The following NRROS variants were observed in gnomAD, a reference collection of about 807,000 sequenced individuals.
NRROS encodes the protein transforming growth factor beta activator LRRC33.
NRROS carries 6 observed loss-of-function variants against 12.0 expected under a neutral mutation model. That is an observed-to-expected ratio of 0.50 (90% CI 0.27 to 0.98). The LOEUF is 0.98. NRROS is among the 50% of genes least tolerant of loss of function. The pLI, the probability that NRROS is intolerant of heterozygous loss-of-function variation, is 0.11. For missense variants in NRROS, 857 were observed against 888.2 expected (o/e 0.96, Z 0.45); for synonymous variants, 462 against 410.2 (o/e 1.13, Z -1.53).
chr3:196,660,544 G>A lies in NRROS; in HGVS notation c.901G>A (p.Ala301Thr). The change falls in exon 3 of 3, where the codon GCC becomes ACC. Residue 301 changes from alanine (A) to threonine (T), a missense_variant. Transcript: ENST00000328557. The surrounding 1 kb of genome is among the most constrained non-coding windows in gnomAD (Gnocchi z 7.7). ...YNTSSPREMV[A>T]QFLLVDGNVT... ...CACCTCGTCGCCGAGGGAGATGGTGGCCCAGTTCCTCCTCGTGGACGGCAA... is the reference window on the plus strand; with the variant it reads ...CACCTCGTCGCCGAGGGAGATGGTGACCCAGTTCCTCCTCGTGGACGGCAA... 6.2e-7 allele frequency: 1 copy of A among 1,614,146 alleles called. No homozygotes were observed. Among genetic ancestry groups the A allele is most frequent in the African/African-American group, 1.3e-5 (1 of 75,038 alleles).
At chr3:196,644,014 C>T (rs898723114) in intron 1 of NRROS, among the ~76,000 whole-genome samples, 2 of 152,348 alleles carry the variant, frequency 1.3e-5, no homozygotes, top group African/African-American at 4.8e-5. Context: ...TGTCACCAGC[C>T]AGCCTGACAC....
intron 1 of NRROS, among the ~76,000 whole-genome samples, chr3:196,645,110 T>C (rs1258011711): frequency 6.6e-6 from 1 of 152,176 alleles, no homozygotes; most frequent in Non-Finnish European, 1.5e-5. Flanking sequence ...ATTAGAAAAC[T>C]TCCATAGGAA....
intron 1 of NRROS, among the ~76,000 whole-genome samples, chr3:196,645,367 A>T (rs1737288098): frequency 6.6e-6 from 1 of 152,218 alleles, no homozygotes; most frequent in Non-Finnish European, 1.5e-5. Context: ...GAGCTGATGC[A>T]GAAGTCACAG....
chr3:196,657,952 T>G (rs1305183116), intron 2 of NRROS, among the ~76,000 whole-genome samples: 2 of 152,104 alleles, frequency 1.3e-5, no homozygotes, highest in African/African-American at 2.4e-5. Flanking sequence ...ACAGTCACAC[T>G]TGATCCTGAA....
At chr3:196,643,279 C>T (rs1483881985) in intron 1 of NRROS, among the ~76,000 whole-genome samples, 1 of 152,102 alleles carries the variant, frequency 6.6e-6, no homozygotes, top group Non-Finnish European at 1.5e-5. Flanking sequence ...GACCCCAAGC[C>T]AATGTGTCTT....
chr3:196,653,512 G>C (rs1230436571), intron 1 of NRROS, among the ~76,000 whole-genome samples: 1 of 152,232 alleles, frequency 6.6e-6, no homozygotes, highest in African/African-American at 2.4e-5. Context: ...TCAAGGAATG[G>C]GCAGATGGAA....
rs1737647538 is a variant in NRROS at position 196,660,544 on chromosome 3, G to T, written c.901G>T (p.Ala301Ser). Residue 301 changes from alanine (A) to serine (S), a missense_variant, in exon 3 of 3, where the codon GCC (alanine) becomes TCC (serine). Transcript: ENST00000328557. The surrounding 1 kb of genome is among the most constrained non-coding windows in gnomAD (Gnocchi z 7.7). Reference sequence around the variant, plus strand: ...CACCTCGTCGCCGAGGGAGATGGTGGCCCAGTTCCTCCTCGTGGACGGCAA... The same window carrying T: ...CACCTCGTCGCCGAGGGAGATGGTGTCCCAGTTCCTCCTCGTGGACGGCAA... ...YNTSSPREMV[A>S]QFLLVDGNVT... 1.9e-6 allele frequency: 3 copies of T among 1,614,146 alleles called. No homozygotes were observed. Among genetic ancestry groups the T allele is most frequent in the Non-Finnish European group, 2.5e-6 (3 of 1,180,032 alleles).
At chr3:196,645,164 T>C (rs1398071373) in intron 1 of NRROS, among the ~76,000 whole-genome samples, 1 of 152,206 alleles carries the variant, frequency 6.6e-6, no homozygotes, top group Non-Finnish European at 1.5e-5. Context: ...TACTGGGTTA[T>C]TGCTCCACTC....
At chr3:196,651,489 AGG>A (rs1737424250) in intron 1 of NRROS, among the ~76,000 whole-genome samples, 1 of 152,018 alleles carries the variant, frequency 6.6e-6, no homozygotes, top group African/African-American at 2.4e-5. Flanking sequence ...AAGGTGGGCC[AGG>A]CACCATGACT....
chr3:196,643,510 C>G (rs1246962337), intron 1 of NRROS, among the ~76,000 whole-genome samples: 1 of 152,212 alleles, frequency 6.6e-6, no homozygotes, highest in East Asian at 1.9e-4. Flanking sequence ...GTGCACCAAG[C>G]AACTTTCTGC....
chr3:196,661,780 C>T lies in NRROS; in HGVS notation c.*58C>T. On this transcript the variant is annotated 3_prime_UTR_variant, in exon 3 of 3. Transcript: ENST00000328557. ...CGCACACAACAGGACACTTTCTCTG[C>T]CAGCTTTCAAGATGTGATGCAGAGG... 1 of 1,435,252 alleles carries T rather than the reference C, an allele frequency of 7.0e-7. No homozygotes were observed. The highest frequency in any genetic ancestry group is 9.4e-7 in the Non-Finnish European group (1 of 1,068,056). 88.9% of individuals were successfully genotyped at this position (1,435,252 alleles called of 1,614,324 possible).
intron 1 of NRROS, among the ~76,000 whole-genome samples, chr3:196,653,155 G>A (rs1336869411): frequency 5.9e-5 from 9 of 152,268 alleles, no homozygotes; most frequent in South Asian, 4.1e-4. Context: ...ACAAGGCAAT[G>A]ACTCCTGTGT....
rs138524805 is a variant in NRROS, at chr3:196,660,898, C to G, written c.1255C>G (p.Pro419Ala). 102 of 1,614,066 alleles carry G rather than the reference C, an allele frequency of 6.3e-5. No homozygotes were observed. Among genetic ancestry groups the G allele is most frequent in the Middle Eastern group, 1.6e-4 (1 of 6,084 alleles). ...CTCCAACCAGCTCCTGGGCGTCCCCCCTGGCCTCTTCGCCAATGCTAGGAA... is the reference window on the plus strand; with the variant it reads ...CTCCAACCAGCTCCTGGGCGTCCCCGCTGGCCTCTTCGCCAATGCTAGGAA... ...LSSNQLLGVP[P>A]GLFANARNIT... is the part of the protein sequence containing the mutation. Residue 419 changes from proline to alanine, a missense_variant, in exon 3 of 3, where the codon CCT becomes GCT. Pro to Ala is a conservative substitution (Grantham distance 27, BLOSUM62 -1). Transcript: ENST00000328557. This position sits in a 1 kb window ranked among gnomAD's most constrained non-coding sequence, Gnocchi z 7.7.
At chr3:196,643,227 G>A (rs1200216087) in intron 1 of NRROS, among the ~76,000 whole-genome samples, 19 of 152,198 alleles carry the variant, frequency 1.2e-4, no homozygotes, top group Non-Finnish European at 2.8e-4. Context: ...TGAGTGAGTA[G>A]GCGAAACCAA....
chr3:196,647,439 T>C (rs1281022299), intron 1 of NRROS, among the ~76,000 whole-genome samples: 4 of 152,246 alleles, frequency 2.6e-5, no homozygotes, highest in African/African-American at 9.6e-5. Flanking sequence ...ATCACAATTC[T>C]AAATGTTTGT....
chr3:196,643,588 G>A (rs189135303), intron 1 of NRROS, among the ~76,000 whole-genome samples: 5 of 152,256 alleles, frequency 3.3e-5, no homozygotes, highest in East Asian at 1.9e-4. Context: ...ATAACGCTCC[G>A]TCTTTTCACC....
intron 1 of NRROS, among the ~76,000 whole-genome samples, chr3:196,645,142 T>G (rs1447591949): frequency 6.6e-6 from 1 of 152,174 alleles, no homozygotes; most frequent in Non-Finnish European, 1.5e-5. Context: ...TATAATACAC[T>G]GCCATATGAA....
At chr3:196,641,505 G>C (rs1022224364) in intron 1 of NRROS, among the ~76,000 whole-genome samples, 1 of 152,150 alleles carries the variant, frequency 6.6e-6, no homozygotes, top group Non-Finnish European at 1.5e-5. Flanking sequence ...GTGAGTCACC[G>C]CCCCCAGCTT....
At chr3:196,640,352 G>C (rs1737184287) in intron 1 of NRROS, among the ~76,000 whole-genome samples, 1 of 152,192 alleles carries the variant, frequency 6.6e-6, no homozygotes, top group South Asian at 2.1e-4. Context: ...AACGTGGATT[G>C]AGAACCACTA....
Sources: gnomAD v4.1 joint callset for allele counts (sites outside exome capture counted in the v4.1 genomes callset) on GRCh38, gnomAD v4.1.1 for gene constraint, Gnocchi (gnomAD v3.1) non-coding constraint, MANE v1.5 for transcripts, NCBI Gene and HGNC (gene_info 2026-07-23, HGNC 2026-07-21) for gene names.